SETDB1: variants seen among roughly 807,000 people sequenced by gnomAD.
The protein encoded by SETDB1 is SET domain bifurcated histone lysine methyltransferase 1, also known as histone-lysine N-methyltransferase SETDB1.
SETDB1 carries 31 observed loss-of-function variants against 137.4 expected under a neutral mutation model. The ratio of observed to expected loss-of-function variants is 0.23; its 90% CI spans 0.17 to 0.30. The LOEUF is 0.30. Ranked by LOEUF, SETDB1 falls within the 10% of genes least tolerant of loss-of-function variation. The pLI is 1.00. For missense variants in SETDB1, 1,113 were observed against 1,631.5 expected, an observed-to-expected ratio of 0.68 and a Z score of 5.47; for synonymous variants, 548 against 579.9, an observed-to-expected ratio of 0.95 and a Z score of 0.79.
At chr1:150,928,206 C>T (rs1028376073) in intron 2 of SETDB1, 14 of 514,428 alleles carry the variant, frequency 2.7e-5, no homozygotes, top group South Asian at 7.0e-5. Flanking sequence ...TATAGGCATC[C>T]GCCACCACAC....
At chr1:150,944,808 T>C in intron 8 of SETDB1, 110 bp from the exon 9 acceptor site, 1 of 1,291,502 alleles carries the variant, frequency 7.7e-7, no homozygotes, top group Non-Finnish European at 1.1e-6. Context: ...CTGATTTTAC[T>C]TTTTCTCTCC....
intron 1 of SETDB1, among the ~76,000 whole-genome samples, chr1:150,927,327 T>C (rs1466761583): frequency 6.6e-6 from 1 of 152,170 alleles, no homozygotes; most frequent in African/African-American, 2.4e-5. Flanking sequence ...AGTCTTGCCA[T>C]GTTGCCCAGG....
chr1:150,963,199 AT>A, intron 19 of SETDB1, 60 bp downstream of exon 19: 2 of 1,491,500 alleles, frequency 1.3e-6, no homozygotes, highest in African/African-American at 1.4e-5. Context: ...GGGATAGAGC[AT>A]TTTTTAAGGA....
At chr1:150,957,788 C>T (rs775994911) in intron 14 of SETDB1, among the ~76,000 whole-genome samples, 27 of 152,262 alleles carry the variant, frequency 1.8e-4, no homozygotes, top group South Asian at 8.3e-4. Flanking sequence ...ACTGAAACCT[C>T]GAACTCCTGA....
chr1:150,945,641 A>G (rs1274328149), intron 9 of SETDB1, among the ~76,000 whole-genome samples: 1 of 152,212 alleles, frequency 6.6e-6, no homozygotes, highest in African/African-American at 2.4e-5. Context: ...TAGCCAGAAG[A>G]AATTAGAAGT....
intron 16 of SETDB1, 90 bp downstream of exon 16, chr1:150,961,281 A>T: frequency 7.9e-7 from 1 of 1,265,670 alleles, no homozygotes; most frequent in Non-Finnish European, 1.1e-6. Context: ...CATGTAGATT[A>T]TTCTACTTGA....
At position 150,940,904 on chromosome 1, in the gene SETDB1, A is replaced by G. The variant is rs191527041; in HGVS notation, c.448-425A>G. 8.0e-4 allele frequency among the ~76,000 whole-genome samples: 121 copies of G among 152,196 alleles called. 1 individual carries two copies. Among genetic ancestry groups the G allele is most frequent in the African/African-American group, 2.5e-3 (105 of 41,528 alleles). ...TCCCAGCTGCTTTGGAGGTTGAGAC[A>G]GGTGAATCGCTTGAACCCGAGAGGC... On this transcript the variant is annotated intron_variant, in intron 4 of 21. Coordinates refer to ENST00000692827, the MANE Select transcript of SETDB1 (RefSeq NM_001366418.1).
chr1:150,930,655 CT>C (rs780805095), intron 3 of SETDB1, among the ~76,000 whole-genome samples: 7 of 146,842 alleles, frequency 4.8e-5, no homozygotes, highest in Non-Finnish European at 1.0e-4. Flanking sequence ...GACCTCCCAA[CT>C]AGCTGGGATT....
At chr1:150,943,302 G>A (rs1670221141) in intron 7 of SETDB1, among the ~76,000 whole-genome samples, 1 of 152,112 alleles carries the variant, frequency 6.6e-6, no homozygotes, top group African/African-American at 2.4e-5. Flanking sequence ...TTAATGGTCA[G>A]GGGAATACAA....
At chr1:150,936,678 TCAACTTTATTTGATATATATTTTTTTAGA>T (rs1669953536) in intron 3 of SETDB1, among the ~76,000 whole-genome samples, 1 of 152,026 alleles carries the variant, frequency 6.6e-6, no homozygotes, top group Admixed American at 6.5e-5. Context: ...TATAGAAACC[TCAACTTTATTTGATATATATTTTTTTAGA>T]CAGTATCTCA....
chr1:150,949,141 C>T lies in SETDB1; in HGVS notation c.1287C>T (p.Gly429=). The T allele has an allele frequency of 6.2e-7, 1 of 1,613,912 alleles. No individual in the cohort carries two copies. Among genetic ancestry groups the T allele is most frequent in the Non-Finnish European group, 8.5e-7 (1 of 1,179,916 alleles). ...CTATAGGTGCTGTGAGGAGCAAAGG[C>T]CCTGTTGTCCAGTACACACAGGATC... ...RPNMGAVRSK[G]PVVQYTQDLT... Residue 429 remains glycine (G), a synonymous_variant, in exon 11 of 22, where the codon GGC becomes GGT. Transcript: ENST00000692827.
Position 150,962,244 on chromosome 1 carries a change from T to C in SETDB1, c.3161+86T>C, listed in dbSNP as rs1026066663. The C allele has an allele frequency of 1.2e-5, 14 of 1,189,100 alleles. No individual in the cohort carries two copies. The African/African-American group carries it at 1.5e-4, about 13-fold the overall frequency. 73.7% of individuals were successfully genotyped at this position (1,189,100 alleles called of 1,614,324 possible). A position where few individuals can be genotyped will look rare whatever the true frequency, so the allele number is the denominator to read the frequency against. On this transcript the variant is annotated intron_variant, in intron 17 of 21. Transcript: ENST00000692827. ...AGTGCAGTGGCGTAATCTCAGCTCA[T>C]TGCAACCTCCCCCTCCCAGGCTCAA...
At position 150,942,868 on chromosome 1, in the gene SETDB1, C is replaced by G; in HGVS notation, c.690C>G (p.Tyr230Ter). The G allele has an allele frequency of 1.9e-6, 3 of 1,614,010 alleles. No homozygotes were observed. The highest frequency in any genetic ancestry group is 2.5e-6 in the Non-Finnish European group (3 of 1,179,910). The stretch of plus-strand genomic sequence containing the variant: ...TTTACTCAGGGCCAGGGAAGAAATA[C>G]AAGGTGAAATTTGACAACAAAGGAA... ...AIQTVGPGKK[Y>*]KVKFDNKGKS... Residue 230 changes from tyrosine (Y) to a stop codon, truncating the protein, a stop_gained, in exon 7 of 22, where the codon TAC becomes TAG. Transcript: ENST00000692827. LOFTEE classifies it high-confidence loss of function.
intron 18 of SETDB1, 33 bp from the exon 19 acceptor site, chr1:150,962,941 C>G: frequency 6.2e-7 from 1 of 1,605,184 alleles, no homozygotes; most frequent in Non-Finnish European, 8.5e-7. Flanking sequence ...TTCCCATTTA[C>G]TTCTCTTACT....
chr1:150,929,236 T>C (rs962335587), intron 2 of SETDB1, among the ~76,000 whole-genome samples: 1 of 152,164 alleles, frequency 6.6e-6, no homozygotes, highest in Admixed American at 6.6e-5. Context: ...CCTGTTTCTC[T>C]ACATCCTCTC....
chr1:150,944,087 T>C, intron 8 of SETDB1, 94 bp downstream of exon 8: 1 of 892,964 alleles, frequency 1.1e-6, no homozygotes, highest in Non-Finnish European at 1.9e-6. Flanking sequence ...GTGTTTTTGG[T>C]ATTTCAGTCT....
chr1:150,949,492 C>T lies in SETDB1; in HGVS notation c.1550C>T (p.Ser517Phe). 6.2e-7 allele frequency: 1 copy of T among 1,614,122 alleles called. No homozygotes were observed. Among genetic ancestry groups the T allele is most frequent in the South Asian group, 1.1e-5 (1 of 91,080 alleles). Reference protein sequence around the residue: ...PTSPALSENVSGGKPGINQTY... With the variant: ...PTSPALSENVFGGKPGINQTY... ...TCTCCTGCACTCAGTGAAAATGTCT[C>T]TGGTGGGAAACCTGGGATCAACCAG... Residue 517 changes from serine (S) to phenylalanine (F), a missense_variant, in exon 12 of 22, where the codon TCT becomes TTT. By Grantham distance (155) the Ser-to-Phe change is radical (BLOSUM62 -2). Transcript: ENST00000692827.
In SETDB1 at chr1:150,962,515, C is replaced by G. The variant is rs1670853562; in HGVS notation, c.3162-72C>G. 14 of 1,500,558 alleles carry G rather than the reference C, an allele frequency of 9.3e-6. No homozygotes were observed. In the South Asian group the frequency reaches 1.2e-4, roughly 12 times the overall value. 93.0% of individuals were successfully genotyped at this position (1,500,558 alleles called of 1,614,324 possible). ...TTTGACCTGTCTCCAAATCTGCCTTCTCTCAAACCTAGGCTAGAAGCCTAA... is the reference window on the plus strand; with the variant it reads ...TTTGACCTGTCTCCAAATCTGCCTTGTCTCAAACCTAGGCTAGAAGCCTAA... On this transcript the variant is annotated intron_variant, in intron 17 of 21. Transcript: ENST00000692827.
chr1:150,964,012 C>T lies in SETDB1; in HGVS notation c.3690C>T (p.Asn1230=). The change falls in exon 21 of 22, where the codon AAC becomes AAT. Residue 1230 remains asparagine (N), a synonymous_variant. Coordinates refer to ENST00000692827, the MANE Select transcript of SETDB1 (RefSeq NM_001366418.1). The part of the protein sequence containing the change: ...GRYLNHSCSP[N]LFVQNVFVDT... ...ACCTACAGCACAGTTGCAGCCCCAA[C>T]CTGTTTGTCCAGAATGTCTTCGTGG... The T allele has an allele frequency of 6.2e-7, 1 of 1,614,136 alleles. No individual in the cohort carries two copies. Among genetic ancestry groups the T allele is most frequent in the Non-Finnish European group, 8.5e-7 (1 of 1,180,016 alleles).
Sources: allele counts gnomAD v4.1 joint callset (sites outside exome capture counted in the v4.1 genomes callset), GRCh38; gene constraint gnomAD v4.1.1; transcripts MANE v1.5; gene names NCBI Gene and HGNC (gene_info 2026-07-23, HGNC 2026-07-21).